BZW2: variants seen among roughly 807,000 people sequenced by gnomAD.
BZW2 encodes the protein eIF5-mimic protein 1.
Under a neutral mutation model 53.2 loss-of-function variants are expected in BZW2, and 23 were observed. That is an observed-to-expected ratio of 0.43 (90% CI 0.31 to 0.61). The LOEUF is 0.61. BZW2 is among the 20% of genes least tolerant of loss of function. BZW2 has a pLI of 0.09. For missense variants in BZW2, 409 were observed against 503.1 expected (o/e 0.81, Z 1.79); for synonymous variants, 227 against 186.4 (o/e 1.22, Z -1.77).
At chr7:16,646,571 G>A (rs574140938) in intron 1 of BZW2, among the ~76,000 whole-genome samples, 10 of 152,324 alleles carry the variant, frequency 6.6e-5, no homozygotes, top group Admixed American at 1.3e-4. Flanking sequence ...CACGCGGTGG[G>A]AAGTGGCGGG....
rs558339981 is a variant in BZW2 at position 16,660,504 on chromosome 7, C to G, written c.-7-4933C>G. Among the ~76,000 whole-genome samples the G allele has an allele frequency of 3.3e-5, 5 of 151,714 alleles. No homozygotes were observed. In the South Asian group the frequency reaches 8.3e-4, roughly 25 times the overall value. On this transcript the variant is annotated intron_variant, in intron 1 of 11. Transcript: ENST00000258761. The stretch of plus-strand genomic sequence containing the variant: ...TGGTAATTTTTCTTTTTTCCTCACT[C>G]TAGCCACCTGGCTTTGAAATTTGTG...
intron 6 of BZW2, chr7:16,686,256 A>G: frequency 1.7e-6 from 1 of 594,584 alleles, no homozygotes; most frequent in Non-Finnish European, 2.8e-6. Flanking sequence ...GCACACCTGT[A>G]CAAAGACATA....
At chr7:16,684,303 A>T (rs371013422) in intron 5 of BZW2, among the ~76,000 whole-genome samples, 3 of 152,204 alleles carry the variant, frequency 2.0e-5, no homozygotes, top group Admixed American at 6.5e-5. Flanking sequence ...TTGGAGATGG[A>T]GACTGTTGTA....
intron 3 of BZW2, among the ~76,000 whole-genome samples, chr7:16,679,159 A>G (rs1301109012): frequency 1.3e-5 from 2 of 152,222 alleles, no homozygotes; most frequent in African/African-American, 2.4e-5. Flanking sequence ...GCAGGAGACC[A>G]GGGTGTATTT....
intron 7 of BZW2, among the ~76,000 whole-genome samples, chr7:16,692,164 T>C (rs1562494587): frequency 6.6e-6 from 1 of 152,154 alleles, no homozygotes; most frequent in Non-Finnish European, 1.5e-5. Flanking sequence ...ACTTTAGCTA[T>C]CACCCACTAT....
At chr7:16,689,737 A>T in intron 6 of BZW2, 60 bp from the exon 7 acceptor site, 4 of 1,413,914 alleles carry the variant, frequency 2.8e-6, no homozygotes, top group Non-Finnish European at 3.9e-6. Context: ...GTTGCTTTGC[A>T]CACCATCACA....
rs752449068 is a variant in BZW2, at chr7:16,689,793, A to G, written c.542-4A>G. On this transcript the variant is annotated splice_polypyrimidine_tract_variant and splice_region_variant and intron_variant, in intron 6 of 11. Transcript: ENST00000258761. ...GAATGAAATTCTCTTTTGTTTTTCAACAGGCATTGCGGCCTCATTTGCTGT... is the reference window on the plus strand; with the variant it reads ...GAATGAAATTCTCTTTTGTTTTTCAGCAGGCATTGCGGCCTCATTTGCTGT... 6.3e-7 allele frequency: 1 copy of G among 1,597,858 alleles called. No individual in the cohort carries two copies. The highest frequency in any genetic ancestry group is 8.5e-7 in the Non-Finnish European group (1 of 1,170,654).
intron 1 of BZW2, among the ~76,000 whole-genome samples, chr7:16,652,130 C>T (rs1415702757): frequency 2.6e-5 from 4 of 152,170 alleles, no homozygotes; most frequent in Non-Finnish European, 5.9e-5. Context: ...AATGGAATTC[C>T]TGACCTCAGC....
intron 3 of BZW2, among the ~76,000 whole-genome samples, chr7:16,675,093 A>C (rs1414091330): frequency 3.9e-5 from 6 of 152,262 alleles, no homozygotes; most frequent in African/African-American, 1.4e-4. Context: ...GTGAAAACAA[A>C]ATAAAAGCTA....
At chr7:16,687,403 C>G (rs1783158496) in intron 6 of BZW2, 2 of 152,176 alleles carry the variant, frequency 1.3e-5, no homozygotes, top group South Asian at 2.1e-4. Context: ...GGTTTAAACC[C>G]TTGCTTCCTA....
intron 2 of BZW2, among the ~76,000 whole-genome samples, chr7:16,670,585 A>T (rs547054190): frequency 6.6e-6 from 1 of 152,346 alleles, no homozygotes; most frequent in South Asian, 2.1e-4. Flanking sequence ...GAAAGAAAAT[A>T]TCTTTTTTCA....
intron 2 of BZW2, among the ~76,000 whole-genome samples, chr7:16,671,948 T>C (rs1010910842): frequency 8.8e-5 from 8 of 90,520 alleles, no homozygotes; most frequent in African/African-American, 4.7e-4. Flanking sequence ...AAAAAAAAAA[T>C]CGGAACACTA....
chr7:16,672,266 T>C (rs552356134), intron 2 of BZW2, among the ~76,000 whole-genome samples: 1 of 152,328 alleles, frequency 6.6e-6, no homozygotes, highest in South Asian at 2.1e-4. Context: ...TTCCTTTGTT[T>C]TCTCATTCTG....
At chr7:16,657,304 A>G (rs1782147797) in intron 1 of BZW2, among the ~76,000 whole-genome samples, 1 of 152,252 alleles carries the variant, frequency 6.6e-6, no homozygotes, top group Non-Finnish European at 1.5e-5. Flanking sequence ...TGTATTTTAC[A>G]TAGCCAAGAT....
intron 1 of BZW2, among the ~76,000 whole-genome samples, chr7:16,653,544 A>G (rs892523866): frequency 6.6e-6 from 1 of 152,208 alleles, no homozygotes; most frequent in Non-Finnish European, 1.5e-5. Flanking sequence ...TGTGCTGTCC[A>G]TAGCTCCTTT....
chr7:16,681,718 G>A (rs1255966941), intron 4 of BZW2, among the ~76,000 whole-genome samples: 1 of 152,174 alleles, frequency 6.6e-6, no homozygotes, highest in African/African-American at 2.4e-5. Context: ...TGTAATCCCA[G>A]CTACTTGGGA....
intron 1 of BZW2, among the ~76,000 whole-genome samples, chr7:16,659,771 GTGT>G (rs1184601549): frequency 1.3e-5 from 2 of 152,048 alleles, no homozygotes; most frequent in South Asian, 4.2e-4. Context: ...TGAGTTTTGT[GTGT>G]TGTTATTATA....
chr7:16,651,718 C>T (rs1233342181), intron 1 of BZW2, among the ~76,000 whole-genome samples: 1 of 152,054 alleles, frequency 6.6e-6, no homozygotes, highest in Admixed American at 6.5e-5. Context: ...TTCTAATATT[C>T]GTATGTCCCT....
intron 1 of BZW2, among the ~76,000 whole-genome samples, chr7:16,664,605 A>G (rs1170235559): frequency 6.6e-6 from 1 of 152,236 alleles, no homozygotes; most frequent in Non-Finnish European, 1.5e-5. Flanking sequence ...TCAGAAAGGT[A>G]GCCAGGATCA....
Sources: allele counts gnomAD v4.1 joint callset (sites outside exome capture counted in the v4.1 genomes callset), GRCh38; gene constraint gnomAD v4.1.1; transcripts MANE v1.5; gene names NCBI Gene and HGNC (gene_info 2026-07-23, HGNC 2026-07-21).